Variants in VGLL3 observed in about 807,000 individuals in gnomAD.
VGLL3 encodes transcription cofactor vestigial-like protein 3.
Under a neutral mutation model 29.2 loss-of-function variants are expected in VGLL3, and 18 were observed. That is an observed-to-expected ratio of 0.62 (90% CI 0.43 to 0.91). The LOEUF is 0.91. Among genes scored for constraint, VGLL3 ranks in the 40% least tolerant of loss-of-function variants. VGLL3 has a pLI of 0.00. For missense variants in VGLL3, 440 were observed against 413.2 expected, an observed-to-expected ratio of 1.06 and a Z score of -0.56; for synonymous variants, 180 against 151.8, an observed-to-expected ratio of 1.19 and a Z score of -1.36.
At position 86,969,993 on chromosome 3, in the gene VGLL3, C is replaced by CA. The variant is rs1575871775; in HGVS notation, c.404-871dup. ...GGCTGGGCCTCTTCATAAAGTGCCACAAGAGGGCGCAATTGTAACTGTGAA... is the reference window on the plus strand; with the variant it reads ...GGCTGGGCCTCTTCATAAAGTGCCACAAAGAGGGCGCAATTGTAACTGTGAA... On this transcript the variant is annotated intron_variant, in intron 2 of 3. Coordinates refer to ENST00000398399, the MANE Select transcript of VGLL3 (RefSeq NM_016206.4). Among the ~76,000 whole-genome samples, 5 of 152,034 alleles carry CA rather than the reference C, an allele frequency of 3.3e-5. No individual in the cohort carries two copies. In the East Asian group the frequency reaches 9.7e-4, roughly 29 times the overall value.
rs2106943038 is a variant in VGLL3 at position 86,941,423 on chromosome 3, A to T, written c.*5601T>A. The T allele has an allele frequency of 6.6e-6, 1 of 152,494 alleles. No individual in the cohort carries two copies. Among genetic ancestry groups the T allele is most frequent in the African/African-American group, 2.4e-5 (1 of 41,556 alleles). The allele number at this position is 152,494 out of a possible 1,614,324, so 9.4% of individuals were successfully genotyped here. Reference sequence around the variant, plus strand: ...GTTGCATTTTAAAAGAATTATTCTTATGCCAAATTTAGTAGTCTAGAAATT... The same window carrying T: ...GTTGCATTTTAAAAGAATTATTCTTTTGCCAAATTTAGTAGTCTAGAAATT... On this transcript the variant is annotated 3_prime_UTR_variant, in exon 4 of 4. Transcript: ENST00000398399.
At chr3:86,985,168 A>G (rs557161508) in intron 1 of VGLL3, among the ~76,000 whole-genome samples, 4 of 152,228 alleles carry the variant, frequency 2.6e-5, no homozygotes, top group Non-Finnish European at 5.9e-5. Flanking sequence ...AGCTCTAGAC[A>G]AATTCACACT....
chr3:86,977,388 T>C (rs999455323), intron 2 of VGLL3, among the ~76,000 whole-genome samples: 1 of 152,142 alleles, frequency 6.6e-6, no homozygotes, highest in Non-Finnish European at 1.5e-5. Flanking sequence ...GCCCAGAAGG[T>C]ACCACTAGTC....
At chr3:86,978,379 TTGTC>T in intron 2 of VGLL3, 143 bp downstream of exon 2, 3 of 919,192 alleles carry the variant, frequency 3.3e-6, no homozygotes, top group South Asian at 3.4e-5. Context: ...ATCCAGCTGT[TTGTC>T]TGAAAGAAAT....
chr3:86,962,909 A>ATTCAAAATAGGGAAGCCAGCCTTCACTG, intron 3 of VGLL3: 1 of 159,808 alleles, frequency 6.3e-6, no homozygotes, highest in Non-Finnish European at 1.3e-5. Context: ...AGCCTTCACT[A>ATTCAAAATAGGGAAGCCAGCCTTCACTG]TTCAAAATAG....
intron 2 of VGLL3, among the ~76,000 whole-genome samples, chr3:86,976,001 C>G (rs1015844385): frequency 1.4e-4 from 22 of 152,060 alleles, no homozygotes; most frequent in Non-Finnish European, 3.1e-4. Context: ...GTAATCCCAG[C>G]TACTCAGGAG....
rs1267247075 is a variant in VGLL3 at position 86,938,167 on chromosome 3, G to A, written c.*8857C>T. ...ACTGAGTTATAATTGACACATAAAA[G>A]TTATATATATTTAAGGTATACGATA... On this transcript the variant is annotated 3_prime_UTR_variant, in exon 4 of 4. Transcript: ENST00000398399. The A allele has an allele frequency of 1.3e-5, 2 of 152,102 alleles. No homozygotes were observed. Among genetic ancestry groups the A allele is most frequent in the Non-Finnish European group, 2.9e-5 (2 of 68,018 alleles). 9.4% of individuals were successfully genotyped at this position (152,102 alleles called of 1,614,324 possible).
Position 86,990,655 on chromosome 3 carries a change from G to A in VGLL3, c.89C>T (p.Thr30Ile). 2 of 1,399,808 alleles carry A rather than the reference G, an allele frequency of 1.4e-6. No homozygotes were observed. Among genetic ancestry groups the A allele is most frequent in the Non-Finnish European group, 1.9e-6 (2 of 1,072,694 alleles). The allele number at this position is 1,399,808 out of a possible 1,614,324, so 86.7% of individuals were successfully genotyped here. The stretch of plus-strand genomic sequence containing the variant: ...TTGGGGCGCCGGCTGATAGTAGGCT[G>A]TGGGGCAGGTTGTCGCTGCCATGGG... The part of the protein sequence containing the change: ...PNPMAATTCP[T>I]AYYQPAPQPG... Residue 30 changes from threonine (T) to isoleucine (I), a missense_variant, in exon 1 of 4, where the codon ACA becomes ATA. Transcript: ENST00000398399.
intron 3 of VGLL3, chr3:86,961,899 G>T: frequency 1.0e-6 from 1 of 971,586 alleles, no homozygotes; most frequent in Non-Finnish European, 1.2e-6. Context: ...ACAATCTCCT[G>T]CTAAACACAA....
At chr3:86,962,971 T>C in intron 3 of VGLL3, 1 of 200,448 alleles carries the variant, frequency 5.0e-6, no homozygotes, top group Non-Finnish European at 1.1e-5. Context: ...GGCAGATGCC[T>C]GTAATTCCAG....
At chr3:86,972,680 A>G (rs904252571) in intron 2 of VGLL3, among the ~76,000 whole-genome samples, 1 of 152,186 alleles carries the variant, frequency 6.6e-6, no homozygotes, top group Non-Finnish European at 1.5e-5. Flanking sequence ...ATGCAATATT[A>G]CATTTCAGGT....
intron 3 of VGLL3, among the ~76,000 whole-genome samples, chr3:86,960,932 G>GATATATATATATAT (rs57744873): frequency 7.2e-6 from 1 of 137,938 alleles, no homozygotes; most frequent in African/African-American, 2.8e-5. Flanking sequence ...AAGTAATTGT[G>GATATATATATATAT]ATATATATAT....
chr3:86,957,998 T>C (rs756321087), intron 3 of VGLL3, among the ~76,000 whole-genome samples: 1 of 152,180 alleles, frequency 6.6e-6, no homozygotes, highest in Non-Finnish European at 1.5e-5. Flanking sequence ...TTGAATGATA[T>C]GTACGTGCAC....
In VGLL3 at chr3:86,979,813, T is replaced by G. The variant is rs59636155; in HGVS notation, c.127-1011A>C. On this transcript the variant is annotated intron_variant, in intron 1 of 3. Transcript: ENST00000398399. ...TTCTGAGGAATGGCAGGGAGGGATA[T>G]CTAGCATATAGATATGCGTGTGCAT... 4.1e-3 allele frequency among the ~76,000 whole-genome samples: 625 copies of G among 152,184 alleles called. 3 individuals carry two copies. Among genetic ancestry groups the G allele is most frequent in the African/African-American group, 0.014 (595 of 41,534 alleles).
intron 3 of VGLL3, among the ~76,000 whole-genome samples, chr3:86,959,522 C>T (rs1201314707): frequency 6.6e-6 from 1 of 152,060 alleles, no homozygotes; most frequent in Non-Finnish European, 1.5e-5. Context: ...TGAAAAATAT[C>T]ACAGTGCTTT....
At chr3:86,949,060 A>C (rs966462106) in intron 3 of VGLL3, among the ~76,000 whole-genome samples, 3 of 152,236 alleles carry the variant, frequency 2.0e-5, no homozygotes, top group African/African-American at 7.2e-5. Context: ...CAATCTACAG[A>C]ATGTCAGCAC....
rs1020515883 is a variant in VGLL3, at chr3:86,943,604, T to C, written c.*3420A>G. On this transcript the variant is annotated 3_prime_UTR_variant, in exon 4 of 4. Coordinates refer to ENST00000398399, the MANE Select transcript of VGLL3 (RefSeq NM_016206.4). ...CAAATTTTAGAGCAATCTTAGCCAT[T>C]TTTGCTTAACAAAATAATATAAATA... 3.9e-5 allele frequency: 6 copies of C among 152,062 alleles called. No homozygotes were observed. The highest frequency in any genetic ancestry group is 1.4e-4 in the African/African-American group (6 of 41,392). The allele number at this position is 152,062 out of a possible 1,614,324, so 9.4% of individuals were successfully genotyped here.
Position 86,968,986 on chromosome 3 carries a change from C to T in VGLL3, c.541G>A (p.Ala181Thr), listed in dbSNP as rs372556275. 6 of 1,614,010 alleles carry T rather than the reference C, an allele frequency of 3.7e-6. No homozygotes were observed. Among genetic ancestry groups the T allele is most frequent in the Non-Finnish European group, 5.1e-6 (6 of 1,179,998 alleles). ...QVTGPPGTFS[A>T]ADPSPWPGHN... ...CCCGGCCAAGGACTGGGATCAGCTGCAGAAAAGGTGCCAGGGGGTCCAGTG... is the reference window on the plus strand; with the variant it reads ...CCCGGCCAAGGACTGGGATCAGCTGTAGAAAAGGTGCCAGGGGGTCCAGTG... The change falls in exon 3 of 4, where the codon GCA becomes ACA. Residue 181 changes from alanine (A) to threonine (T), a missense_variant. Physicochemically the swap from Ala to Thr is moderately conservative, Grantham distance 58 (BLOSUM62 0). Transcript: ENST00000398399.
At chr3:86,955,415 C>T (rs1704700698) in intron 3 of VGLL3, among the ~76,000 whole-genome samples, 1 of 143,300 alleles carries the variant, frequency 7.0e-6, no homozygotes, top group South Asian at 2.3e-4. Flanking sequence ...CGAAGTCTCA[C>T]TCTGTCACCC....
Sources: gnomAD v4.1 joint callset for allele counts (sites outside exome capture counted in the v4.1 genomes callset) on GRCh38, gnomAD v4.1.1 for gene constraint, MANE v1.5 for transcripts, NCBI Gene and HGNC (gene_info 2026-07-23, HGNC 2026-07-21) for gene names.